Variants in TRPM1 observed in about 807,000 individuals in gnomAD.
The protein encoded by TRPM1 is TRPM1-203 APA Isoform, Intron 10.
A neutral mutation model predicts 149.4 loss-of-function variants in TRPM1; 113 were observed. The ratio of observed to expected loss-of-function variants is 0.76; its 90% CI spans 0.65 to 0.88. The LOEUF (loss-of-function observed/expected upper bound fraction) is 0.88, where lower values mean the gene tolerates loss of function less well. Ranked by LOEUF, TRPM1 falls within the 40% of genes least tolerant of loss-of-function variation. The probability of loss-of-function intolerance (pLI) is 0.00; values close to 1 mark genes in which losing one functional copy is unlikely to be tolerated. For synonymous variants in TRPM1, 741 were observed against 759.5 expected, an observed-to-expected ratio of 0.98 and a Z score of 0.40; for missense variants, 1,976 against 2,038.7, an observed-to-expected ratio of 0.97 and a Z score of 0.59.
At chr15:31,105,264 A>G (rs2035586995), upstream of TRPM1, among the ~76,000 whole-genome samples, 1 of 152,190 alleles carries the variant, frequency 6.6e-6, no homozygotes, top group African/African-American at 2.4e-5. Context: ...TGGAATGCAA[A>G]GATGTTTGGG....
At chr15:31,129,510 T>C (rs2035991856) in intron 1 of TRPM1, among the ~76,000 whole-genome samples, 1 of 152,160 alleles carries the variant, frequency 6.6e-6, no homozygotes, top group Non-Finnish European at 1.5e-5. Flanking sequence ...TCAGCTGTAG[T>C]TTGTCAACTT....
At chr15:31,106,516 G>A (rs1178271105), upstream of TRPM1, among the ~76,000 whole-genome samples, 1 of 152,060 alleles carries the variant, frequency 6.6e-6, no homozygotes, top group Non-Finnish European at 1.5e-5. Flanking sequence ...GTTTCTCTCC[G>A]CCTCTTTCTC....
chr15:31,149,468 C>T (rs973297903), intron 1 of TRPM1, among the ~76,000 whole-genome samples: 1 of 151,828 alleles, frequency 6.6e-6, no homozygotes, highest in Non-Finnish European at 1.5e-5. Context: ...AAACTGGGAG[C>T]TGCCTGGGTC....
intron 13 of TRPM1, 152 bp downstream of exon 13, chr15:31,049,223 C>T (rs1273153302): frequency 8.3e-6 from 9 of 1,086,256 alleles, no homozygotes; most frequent in Non-Finnish European, 8.4e-6. Context: ...CAGGCTGTGG[C>T]CAGCAGCAGG....
chr15:31,062,577 A>T lies in TRPM1; in HGVS notation c.1089+2T>A. 6.2e-7 allele frequency: 1 copy of T among 1,614,126 alleles called. No homozygotes were observed. On this transcript the variant is annotated splice_donor_variant, in intron 9 of 27. Transcript: ENST00000256552. LOFTEE classifies it high-confidence loss of function. ...GTTTGGAAATAAATTCAAGACACTT[A>T]CGAGTTCTTTCTTCTTCATGCACTC...
At chr15:31,151,124 A>G (rs371294582) in intron 1 of TRPM1, among the ~76,000 whole-genome samples, 3 of 152,010 alleles carry the variant, frequency 2.0e-5, no homozygotes, top group South Asian at 2.1e-4. Flanking sequence ...TTTCCCTCCA[A>G]CCTCACCCTT....
At chr15:31,151,600 G>C (rs2036305249) in intron 1 of TRPM1, among the ~76,000 whole-genome samples, 1 of 152,228 alleles carries the variant, frequency 6.6e-6, no homozygotes, top group Non-Finnish European at 1.5e-5. Context: ...TTTGGTGTGG[G>C]GCAGCTGCCA....
At chr15:31,022,742 A>G (rs1294392701) in intron 27 of TRPM1, among the ~76,000 whole-genome samples, 2 of 152,098 alleles carry the variant, frequency 1.3e-5, no homozygotes, top group Non-Finnish European at 2.9e-5. Flanking sequence ...AATCAGGAGA[A>G]AAGCTTTTAA....
chr15:31,001,745 A>G lies in TRPM1; in HGVS notation c.*77T>C, dbSNP rs2031768505. The stretch of plus-strand genomic sequence containing the variant: ...TTAAGGAAAATGTTTTTAGAAATTG[A>G]TGATGTTTAGATGGCCAAGATGACA... On this transcript the variant is annotated 3_prime_UTR_variant, in exon 28 of 28. Transcript: ENST00000256552. The G allele has an allele frequency of 1.3e-6, 2 of 1,483,398 alleles. No homozygotes were observed. Among genetic ancestry groups the G allele is most frequent in the African/African-American group, 1.4e-5 (1 of 70,326 alleles). 91.9% of individuals were successfully genotyped at this position (1,483,398 alleles called of 1,614,324 possible). A position where few individuals can be genotyped will look rare whatever the true frequency, so the allele number is the denominator to read the frequency against.
chr15:31,114,300 A>G (rs2035768359), intron 1 of TRPM1, among the ~76,000 whole-genome samples: 1 of 152,166 alleles, frequency 6.6e-6, no homozygotes, highest in Non-Finnish European at 1.5e-5. Flanking sequence ...TTAATTTGCT[A>G]AGTATAATGC....
At chr15:31,086,267 C>T (rs2034997823) in intron 1 of TRPM1, among the ~76,000 whole-genome samples, 1 of 152,174 alleles carries the variant, frequency 6.6e-6, no homozygotes, top group Non-Finnish European at 1.5e-5. Flanking sequence ...GCAAGGTTGG[C>T]CTCTAGCCCC....
At chr15:31,127,940 A>G (rs2035971982) in intron 1 of TRPM1, among the ~76,000 whole-genome samples, 1 of 152,230 alleles carries the variant, frequency 6.6e-6, no homozygotes. Flanking sequence ...CCTGGAGTCC[A>G]GGAGAAAGCG....
rs944080527 is a variant in TRPM1 at position 31,035,619 on chromosome 15, T to G, written c.2627A>C (p.Asp876Ala). 7 of 1,614,062 alleles carry G rather than the reference T, an allele frequency of 4.3e-6. No homozygotes were observed. The highest frequency in any genetic ancestry group is 5.9e-6 in the Non-Finnish European group (7 of 1,180,050). The part of the protein sequence containing the change: ...LFNYVILVRM[D>A]GWPSLQEWIV... ...CCACTCCTGGAGGGACGGCCAGCCATCCATCCGCACCAGGATGACGTAGTT... is the reference window on the plus strand; with the variant it reads ...CCACTCCTGGAGGGACGGCCAGCCAGCCATCCGCACCAGGATGACGTAGTT... The change falls in exon 21 of 28, where the codon GAT becomes GCT. Residue 876 changes from aspartate (D) to alanine (A), a missense_variant. Physicochemically the swap from Asp to Ala is moderately radical, Grantham distance 126. Coordinates refer to ENST00000256552, the MANE Select transcript of TRPM1 (RefSeq NM_001252024.2).
Position 31,066,192 on chromosome 15 carries a change from T to C in TRPM1, c.674A>G (p.Asn225Ser), listed in dbSNP as rs1184308984. ...CAGGATGAAGTGGGTGTGGGAGTTG[T>C]TGAGCACAGAGAGCTTACTTAGAGG... is the stretch of plus-strand genomic sequence containing the variant. ...SNPLSKLSVLNNSHTHFILAD... is the reference protein window; with the variant it reads ...SNPLSKLSVLSNSHTHFILAD... Residue 225 changes from asparagine to serine, a missense_variant, in exon 7 of 28, where the codon AAC becomes AGC. This residue lies in a region of TRPM1 where 1,332 missense variants were observed against 1,347.1 expected (regional missense o/e 0.99). Coordinates refer to ENST00000256552, the MANE Select transcript of TRPM1 (RefSeq NM_001252024.2). The C allele has an allele frequency of 1.2e-6, 2 of 1,614,040 alleles. No homozygotes were observed. Among genetic ancestry groups the C allele is most frequent in the African/African-American group, 2.7e-5 (2 of 74,896 alleles).
chr15:31,082,599 A>G (rs1478466149), intron 1 of TRPM1, among the ~76,000 whole-genome samples: 19 of 152,222 alleles, frequency 1.2e-4, no homozygotes, highest in Non-Finnish European at 1.5e-5. Flanking sequence ...AGCCAGGACC[A>G]TGTGTCCATG....
chr15:31,036,493 C>T (rs1220203123), intron 20 of TRPM1, among the ~76,000 whole-genome samples: 1 of 152,154 alleles, frequency 6.6e-6, no homozygotes, highest in East Asian at 1.9e-4. Context: ...AGGAGAGAGG[C>T]AGGCCCCACC....
intron 1 of TRPM1, among the ~76,000 whole-genome samples, chr15:31,113,896 T>A (rs570505812): frequency 1.2e-4 from 19 of 152,216 alleles, no homozygotes; most frequent in Non-Finnish European, 2.6e-4. Flanking sequence ...CTTTGCTGGC[T>A]AACGGGTGGG....
At chr15:31,011,696 A>T in intron 27 of TRPM1, among the ~76,000 whole-genome samples, 1 of 142,574 alleles carries the variant, frequency 7.0e-6, no homozygotes, top group African/African-American at 2.7e-5. Context: ...ATGGAGTGTC[A>T]CTCTGTTGCC....
At chr15:31,145,954 C>T (rs2036219776) in intron 1 of TRPM1, among the ~76,000 whole-genome samples, 1 of 151,872 alleles carries the variant, frequency 6.6e-6, no homozygotes, top group South Asian at 2.1e-4. Context: ...CAAAAAACAT[C>T]TCATAATGTT....
Sources: gnomAD v4.1 joint callset for allele counts (sites outside exome capture counted in the v4.1 genomes callset) on GRCh38, gnomAD v4.1.1 for gene constraint, gnomAD v4.1.1 regional missense constraint, MANE v1.5 for transcripts, NCBI Gene and HGNC (gene_info 2026-07-23, HGNC 2026-07-21) for gene names.